CYFIP2: variants seen among roughly 807,000 people sequenced by gnomAD.
CYFIP2 encodes cytoplasmic FMR1-interacting protein 2.
Under a neutral mutation model 158.7 loss-of-function variants are expected in CYFIP2, and 29 were observed. That is an observed-to-expected ratio of 0.18 (90% CI 0.14 to 0.25). The LOEUF is 0.25. Among genes scored for constraint, CYFIP2 ranks in the 10% least tolerant of loss-of-function variants. The pLI, the probability that CYFIP2 is intolerant of heterozygous loss-of-function variation, is 1.00. For missense variants in CYFIP2, 852 were observed against 1,639.5 expected, an observed-to-expected ratio of 0.52 and a Z score of 8.29; for synonymous variants, 585 against 617.6, an observed-to-expected ratio of 0.95 and a Z score of 0.78.
At position 157,311,058 on chromosome 5, in the gene CYFIP2, G is replaced by A. The variant is rs1349669954; in HGVS notation, c.993-606G>A. 1 of 452,892 alleles carries A rather than the reference G, an allele frequency of 2.2e-6. No individual in the cohort carries two copies. The highest frequency in any genetic ancestry group is 7.1e-5 in the East Asian group (1 of 14,118). The allele number at this position is 452,892 out of a possible 1,614,324, so 28.1% of individuals were successfully genotyped here. On this transcript the variant is annotated intron_variant, in intron 10 of 30. Transcript: ENST00000620254. The surrounding 1 kb of genome is among the most constrained non-coding windows in gnomAD (Gnocchi z 4.7). ...CGTGGAAAAAAGGCGGAGGGAAGGA[G>A]GAAAGAGGGTGGAAAGAGAAGGAGA...
chr5:157,322,808 G>C, intron 15 of CYFIP2: 3 of 882,642 alleles, frequency 3.4e-6, no homozygotes, highest in Admixed American at 4.6e-5. Context: ...GGTGGCCCCC[G>C]GCAGTCGCGG....
intron 26 of CYFIP2, chr5:157,377,079 T>G: frequency 3.2e-6 from 1 of 313,464 alleles, no homozygotes; most frequent in Non-Finnish European, 6.4e-6. Context: ...TTCTATCTCC[T>G]TTGCCGCTAC....
chr5:157,314,142 C>A (rs1010666807), intron 11 of CYFIP2, among the ~76,000 whole-genome samples: 1 of 152,148 alleles, frequency 6.6e-6, no homozygotes, highest in Admixed American at 6.5e-5. Flanking sequence ...GTTACTATAT[C>A]GTGTGCACTT....
chr5:157,392,898 C>T lies in CYFIP2; in HGVS notation c.3660C>T (p.Ile1220=). ...TCTTGAACAATGAGGTTTTTGCCAT[C>T]CTGAACAAATACATGAAGTCCGTGG... ...YQILNNEVFA[I]LNKYMKSVET... Residue 1220 remains isoleucine, a synonymous_variant, in exon 31 of 31, where the codon ATC becomes ATT. Coordinates refer to ENST00000620254, the MANE Select transcript of CYFIP2 (RefSeq NM_001037333.3). The T allele has an allele frequency of 6.2e-7, 1 of 1,613,968 alleles. No individual in the cohort carries two copies. The highest frequency in any genetic ancestry group is 2.2e-5 in the East Asian group (1 of 44,888).
At chr5:157,318,374 A>G (rs1760319455) in intron 13 of CYFIP2, among the ~76,000 whole-genome samples, 1 of 152,146 alleles carries the variant, frequency 6.6e-6, no homozygotes, top group African/African-American at 2.4e-5. Flanking sequence ...AGACATCTTC[A>G]TTATTTACTC....
chr5:157,274,464 TTTTA>T (rs879713802), intron 1 of CYFIP2, among the ~76,000 whole-genome samples: 5 of 152,380 alleles, frequency 3.3e-5, no homozygotes, highest in African/African-American at 4.8e-5. Flanking sequence ...CTATACAATT[TTTTA>T]TTTATCAGTT....
intron 1 of CYFIP2, among the ~76,000 whole-genome samples, chr5:157,283,962 C>A (rs769953303): frequency 1.3e-5 from 2 of 152,134 alleles, no homozygotes; most frequent in African/African-American, 4.8e-5. Context: ...TCCCTGGGAT[C>A]GAAGGTGGTT....
rs116474232 is a variant in CYFIP2, at chr5:157,372,291, G to A, written c.3040-10299G>A. Among the ~76,000 whole-genome samples the A allele has an allele frequency of 4.5e-3, 683 of 152,322 alleles. 7 individuals carry two copies. Among genetic ancestry groups the A allele is most frequent in the African/African-American group, 0.015 (638 of 41,578 alleles). ...ATGTCCTTGTTTTTAGGAGTTGCAT[G>A]CTTAGGTATTTAAGGCTGAAGTGAC... On this transcript the variant is annotated intron_variant, in intron 26 of 30. Coordinates refer to ENST00000620254, the MANE Select transcript of CYFIP2 (RefSeq NM_001037333.3).
At chr5:157,346,558 G>A (rs112487859) in intron 23 of CYFIP2, among the ~76,000 whole-genome samples, 1,596 of 152,272 alleles carry the variant, frequency 0.01, 14 homozygotes, top group Middle Eastern at 0.044. Context: ...CAGCAGCTGG[G>A]AAGGCAAGGA....
intron 3 of CYFIP2, chr5:157,288,753 A>G: frequency 2.5e-6 from 1 of 407,920 alleles, no homozygotes; most frequent in South Asian, 1.8e-5. Context: ...CTGACAAGTG[A>G]CAGCTCTAGA....
intron 3 of CYFIP2, among the ~76,000 whole-genome samples, chr5:157,291,419 G>A (rs1297723173): frequency 6.6e-6 from 1 of 152,200 alleles, no homozygotes; most frequent in Non-Finnish European, 1.5e-5. Flanking sequence ...TCTGGCTGAT[G>A]GCCAAACTGT....
At chr5:157,390,137 C>T (rs554413208) in intron 29 of CYFIP2, among the ~76,000 whole-genome samples, 1 of 152,192 alleles carries the variant, frequency 6.6e-6, no homozygotes, top group African/African-American at 2.4e-5. Flanking sequence ...TGGCCCCTCA[C>T]CTGCTAGGTG....
intron 28 of CYFIP2, among the ~76,000 whole-genome samples, chr5:157,385,853 C>T (rs890958456): frequency 6.6e-6 from 1 of 151,864 alleles, no homozygotes; most frequent in Non-Finnish European, 1.5e-5. Flanking sequence ...CAAATGTTTT[C>T]TCTATCCCCT....
At chr5:157,275,788 G>A (rs184946717) in intron 1 of CYFIP2, among the ~76,000 whole-genome samples, 1 of 152,222 alleles carries the variant, frequency 6.6e-6, no homozygotes, top group Admixed American at 6.5e-5. Context: ...TATGGACATG[G>A]GATATCTTTT....
intron 3 of CYFIP2, among the ~76,000 whole-genome samples, chr5:157,289,640 A>G (rs1580981810): frequency 2.0e-5 from 3 of 152,250 alleles, no homozygotes; most frequent in African/African-American, 7.2e-5. Flanking sequence ...TAAGGACACC[A>G]GTCAGATTAG....
intron 23 of CYFIP2, among the ~76,000 whole-genome samples, chr5:157,357,868 A>C (rs1411154140): frequency 2.0e-5 from 3 of 152,132 alleles, no homozygotes; most frequent in African/African-American, 7.2e-5. Flanking sequence ...TTTGAACTGA[A>C]ACCTTATGTA....
At chr5:157,298,009 C>T (rs1758393115) in intron 5 of CYFIP2, among the ~76,000 whole-genome samples, 1 of 152,204 alleles carries the variant, frequency 6.6e-6, no homozygotes, top group East Asian at 1.9e-4. Context: ...GTGACTTAGT[C>T]TGGTCTTTGA....
intron 26 of CYFIP2, among the ~76,000 whole-genome samples, chr5:157,379,141 C>G (rs2113489806): frequency 6.6e-6 from 1 of 152,250 alleles, no homozygotes; most frequent in Non-Finnish European, 1.5e-5. Flanking sequence ...CTTACTGACT[C>G]CCTACTTGGA....
chr5:157,288,848 A>G (rs755948936), intron 3 of CYFIP2, among the ~76,000 whole-genome samples: 4 of 152,198 alleles, frequency 2.6e-5, no homozygotes, highest in East Asian at 1.9e-4. Context: ...GGTAAATGTC[A>G]TGGTAAAAGT....
Sources: allele counts gnomAD v4.1 joint callset (sites outside exome capture counted in the v4.1 genomes callset), GRCh38; gene constraint gnomAD v4.1.1; non-coding constraint Gnocchi (gnomAD v3.1); transcripts MANE v1.5; gene names NCBI Gene and HGNC (gene_info 2026-07-23, HGNC 2026-07-21).